Variants in PCSK1 observed in about 807,000 individuals in gnomAD.
PCSK1 encodes the protein proprotein convertase subtilisin/kexin type 1.
In PCSK1, 56 loss-of-function variants were observed where a neutral mutation model predicts 90.6. The observed-to-expected ratio is 0.62, with a 90% CI of 0.50 to 0.77. PCSK1 has a LOEUF of 0.77. PCSK1 is among the 30% of genes least tolerant of loss of function. PCSK1 has a pLI of 0.00. For missense variants in PCSK1, 801 were observed against 932.6 expected, an observed-to-expected ratio of 0.86 and a Z score of 1.84; for synonymous variants, 348 against 342.4, an observed-to-expected ratio of 1.02 and a Z score of -0.18.
At chr5:96,421,024 T>C (rs889700606) in intron 5 of PCSK1, among the ~76,000 whole-genome samples, 3 of 152,182 alleles carry the variant, frequency 2.0e-5, no homozygotes, top group Non-Finnish European at 2.9e-5. Flanking sequence ...AAAGGAAAGT[T>C]TGAGTGTCTC....
At chr5:96,423,277 T>C in intron 4 of PCSK1, 36 bp downstream of exon 4, 1 of 1,583,104 alleles carries the variant, frequency 6.3e-7, no homozygotes, top group Non-Finnish European at 8.6e-7. Flanking sequence ...CACAGACAGC[T>C]CCCTAAGTCA....
At chr5:96,399,903 G>C in intron 10 of PCSK1, 50 bp downstream of exon 10, 1 of 1,396,736 alleles carries the variant, frequency 7.2e-7, no homozygotes, top group Non-Finnish European at 1.0e-6. Context: ...ACATAGTAAT[G>C]AAATTATGCC....
At chr5:96,415,991 C>T (rs767209709) in intron 6 of PCSK1, 42 bp downstream of exon 6, 11 of 1,227,760 alleles carry the variant, frequency 9.0e-6, no homozygotes, top group South Asian at 8.4e-5. Flanking sequence ...ATGTAAGCTT[C>T]ACATTAAAAT....
intron 6 of PCSK1, 27 bp from the exon 7 acceptor site, chr5:96,412,517 A>C (rs774927543): frequency 1.2e-6 from 2 of 1,603,904 alleles, no homozygotes; most frequent in African/African-American, 2.7e-5. Context: ...ACAAAGACAC[A>C]CAAAGGTTGA....
chr5:96,420,803 G>A, intron 5 of PCSK1, among the ~76,000 whole-genome samples: 1 of 151,784 alleles, frequency 6.6e-6, no homozygotes. Flanking sequence ...GAGAGAGAGA[G>A]AGAGAGACAG....
chr5:96,417,541 G>A (rs1451705347), intron 5 of PCSK1, among the ~76,000 whole-genome samples: 1 of 151,900 alleles, frequency 6.6e-6, no homozygotes, highest in African/African-American at 2.4e-5. Context: ...TTCCATGTGA[G>A]TCATATGGGT....
At chr5:96,398,795 T>C (rs899355919) in intron 11 of PCSK1, 84 bp downstream of exon 11, 1 of 1,126,472 alleles carries the variant, frequency 8.9e-7, no homozygotes, top group Non-Finnish European at 1.4e-6. Flanking sequence ...GACTTTGTTC[T>C]ATGAATAAAC....
At chr5:96,418,935 T>C (rs1258051857) in intron 5 of PCSK1, among the ~76,000 whole-genome samples, 1 of 152,122 alleles carries the variant, frequency 6.6e-6, no homozygotes, top group East Asian at 1.9e-4. Context: ...TGAAAGAAGG[T>C]CTACCTCAGT....
intron 5 of PCSK1, among the ~76,000 whole-genome samples, chr5:96,420,737 AAGGGAGGG>A (rs1015257369): frequency 3.6e-5 from 5 of 138,184 alleles, no homozygotes; most frequent in African/African-American, 1.3e-4. Context: ...GAGAATAAGG[AAGGGAGGG>A]AGGGAGGGAG....
intron 2 of PCSK1, among the ~76,000 whole-genome samples, chr5:96,427,586 T>G (rs565867755): frequency 1.3e-5 from 2 of 152,158 alleles, no homozygotes; most frequent in Non-Finnish European, 2.9e-5. Context: ...TGTCTTGAGA[T>G]TCCACCCCTC....
chr5:96,410,969 C>A lies in PCSK1; in HGVS notation c.900G>T (p.Gly300=). 5 of 1,613,086 alleles carry A rather than the reference C, an allele frequency of 3.1e-6. No homozygotes were observed. Among genetic ancestry groups the A allele is most frequent in the Non-Finnish European group, 3.4e-6 (4 of 1,179,586 alleles). ...TTCCCGAAGCCCAGACGAAGATGGA[C>A]CCCTTCCCCTGTCTCCCCTAAAGGA... The part of the protein sequence containing the change: ...YGVKQGRQGK[G]SIFVWASGNG... The change falls in exon 8 of 14, where the codon GGG becomes GGT. Residue 300 remains glycine, a synonymous_variant. Transcript: ENST00000311106.
At chr5:96,411,096 T>C in intron 7 of PCSK1, 110 bp from the exon 8 acceptor site, 1 of 836,404 alleles carries the variant, frequency 1.2e-6, no homozygotes, top group Non-Finnish European at 2.1e-6. Context: ...GAGACAGCTA[T>C]TTGGGATCTA....
At chr5:96,397,582 T>C (rs1760202720) in intron 11 of PCSK1, 113 bp from the exon 12 acceptor site, 2 of 983,706 alleles carry the variant, frequency 2.0e-6, no homozygotes, top group Non-Finnish European at 3.2e-6. Flanking sequence ...CCTAATTTTC[T>C]CTTTTAGTAT....
In PCSK1 at chr5:96,425,909, A is replaced by T. The variant is rs1330986908; in HGVS notation, c.307T>A (p.Tyr103Asn). The part of the protein sequence containing the change: ...DDRVIWAEQQ[Y>N]EKERSKRSAL... ...GAACGTTTACTTCTTTCTTTTTCAT[A>T]CTGTTGTTCAGCCCATATCACCTAC... is the stretch of plus-strand genomic sequence containing the variant. Residue 103 changes from tyrosine (Y) to asparagine (N), a missense_variant, in exon 3 of 14, where the codon TAT becomes AAT. Tyr to Asn is a moderately radical substitution (Grantham distance 143). Transcript: ENST00000311106. The T allele has an allele frequency of 6.2e-7, 1 of 1,610,392 alleles. No individual in the cohort carries two copies. Among genetic ancestry groups the T allele is most frequent in the South Asian group, 1.1e-5 (1 of 90,980 alleles).
Position 96,421,928 on chromosome 5 carries a change from T to C in PCSK1, c.572A>G (p.Asp191Gly). The change falls in exon 5 of 14, where the codon GAT (aspartate) becomes GGT (glycine). Residue 191 changes from aspartate (D) to glycine (G), a missense_variant. Asp to Gly is a moderately conservative substitution (Grantham distance 94). Transcript: ENST00000311106. The part of the protein sequence containing the change: ...YDPEASYDFN[D>G]NDHDPFPRYD... ...TCGGGGAAATGGATCATGGTCATTA[T>C]CATTAAAATCATAGCTAGCCTCTGG... 6.3e-7 allele frequency: 1 copy of C among 1,577,464 alleles called. No homozygotes were observed. Among genetic ancestry groups the C allele is most frequent in the Non-Finnish European group, 8.7e-7 (1 of 1,151,146 alleles).
chr5:96,395,121 C>T, intron 12 of PCSK1, 96 bp from the exon 13 acceptor site: 1 of 1,004,864 alleles, frequency 1.0e-6, no homozygotes, highest in Admixed American at 1.8e-5. Context: ...GTTAAAATCT[C>T]ATTTTAAGAT....
intron 6 of PCSK1, among the ~76,000 whole-genome samples, chr5:96,413,929 C>T (rs1470239019): frequency 7.6e-6 from 1 of 132,384 alleles, no homozygotes; most frequent in African/African-American, 3.0e-5. Context: ...ACCATCCTGG[C>T]TAACATGATG....
At chr5:96,412,932 A>C (rs1314867319) in intron 6 of PCSK1, 1 of 1,023,218 alleles carries the variant, frequency 9.8e-7, no homozygotes, top group East Asian at 9.4e-5. Context: ...AGCTTTCAGA[A>C]AGACCCTCCA....
At chr5:96,426,482 A>G (rs1369464126) in intron 2 of PCSK1, among the ~76,000 whole-genome samples, 1 of 152,152 alleles carries the variant, frequency 6.6e-6, no homozygotes, top group Non-Finnish European at 1.5e-5. Flanking sequence ...AGTATTTAAT[A>G]TGAGACACAG....
Sources: allele counts gnomAD v4.1 joint callset (sites outside exome capture counted in the v4.1 genomes callset), GRCh38; gene constraint gnomAD v4.1.1; transcripts MANE v1.5; gene names NCBI Gene and HGNC (gene_info 2026-07-23, HGNC 2026-07-21).